Variants in AKAP13 observed in about 807,000 individuals in gnomAD.
AKAP13 encodes the protein A-kinase anchoring protein 13.
AKAP13 carries 80 observed loss-of-function variants against 264.5 expected under a neutral mutation model. The observed-to-expected ratio is 0.30, with a 90% CI of 0.25 to 0.36. The LOEUF is 0.36. AKAP13 is among the 10% of genes least tolerant of loss of function. AKAP13 has a pLI of 1.00. For synonymous variants in AKAP13, 1,380 were observed against 1,250.2 expected, an observed-to-expected ratio of 1.10 and a Z score of -2.19; for missense variants, 3,712 against 3,435.2, an observed-to-expected ratio of 1.08 and a Z score of -2.01.
At chr15:85,673,202 C>T (rs970923003) in intron 14 of AKAP13, among the ~76,000 whole-genome samples, 1 of 152,138 alleles carries the variant, frequency 6.6e-6, no homozygotes, top group African/African-American at 2.4e-5. Context: ...AAGCTGGGAT[C>T]TGTTTTTTAA....
chr15:85,681,161 C>T (rs538940827), intron 14 of AKAP13, among the ~76,000 whole-genome samples: 7 of 152,300 alleles, frequency 4.6e-5, no homozygotes, highest in Admixed American at 4.6e-4. Flanking sequence ...AAATCTCTAT[C>T]AGATTAAAGT....
At chr15:85,440,316 A>G (rs913851142) in intron 1 of AKAP13, among the ~76,000 whole-genome samples, 10 of 152,086 alleles carry the variant, frequency 6.6e-5, no homozygotes, top group African/African-American at 2.4e-4. Context: ...TGTCAGGCAT[A>G]TTTCTGTTTT....
chr15:85,660,598 T>G (rs946905870), intron 12 of AKAP13, among the ~76,000 whole-genome samples: 3 of 152,130 alleles, frequency 2.0e-5, no homozygotes, highest in Non-Finnish European at 4.4e-5. Context: ...TAGGTAAAAA[T>G]ATGCCTATTT....
chr15:85,408,253 A>G (rs770092816), intron 1 of AKAP13, among the ~76,000 whole-genome samples: 1 of 151,826 alleles, frequency 6.6e-6, no homozygotes, highest in Non-Finnish European at 1.5e-5. Context: ...TGCTTACTGC[A>G]TGCCAGTAAT....
At chr15:85,593,519 C>T (rs1408103966) in intron 8 of AKAP13, among the ~76,000 whole-genome samples, 2 of 145,320 alleles carry the variant, frequency 1.4e-5, no homozygotes, top group African/African-American at 5.1e-5. Context: ...AGGTGTGAGC[C>T]ACCATGTGGG....
intron 8 of AKAP13, among the ~76,000 whole-genome samples, chr15:85,603,384 A>T (rs1292939637): frequency 6.6e-6 from 1 of 152,258 alleles, no homozygotes; most frequent in Non-Finnish European, 1.5e-5. Flanking sequence ...ATCAGTGCAG[A>T]TGTCAACACA....
chr15:85,541,924 G>C (rs1464896517), intron 4 of AKAP13, among the ~76,000 whole-genome samples: 1 of 152,212 alleles, frequency 6.6e-6, no homozygotes, highest in East Asian at 1.9e-4. Flanking sequence ...CAGGCGTGTG[G>C]CTGTAGTATT....
At chr15:85,722,867 T>C (rs1005940385) in intron 25 of AKAP13, among the ~76,000 whole-genome samples, 2 of 152,198 alleles carry the variant, frequency 1.3e-5, no homozygotes, top group African/African-American at 4.8e-5. Context: ...GCATATTATT[T>C]ATATCATTGA....
At chr15:85,507,176 G>C (rs1360287807) in intron 2 of AKAP13, among the ~76,000 whole-genome samples, 1 of 152,030 alleles carries the variant, frequency 6.6e-6, no homozygotes, top group Non-Finnish European at 1.5e-5. Context: ...TACTAAATCA[G>C]GGGGTCTTAA....
intron 29 of AKAP13, 130 bp from the exon 30 acceptor site, chr15:85,730,383 C>A: frequency 1.2e-6 from 1 of 823,656 alleles, no homozygotes; most frequent in Non-Finnish European, 1.9e-6. Flanking sequence ...AAAGAAAAGG[C>A]AGTGTGGGTG....
intron 8 of AKAP13, among the ~76,000 whole-genome samples, chr15:85,622,386 C>T (rs1308057065): frequency 6.6e-6 from 1 of 151,968 alleles, no homozygotes; most frequent in East Asian, 1.9e-4. Flanking sequence ...GAATACAGGG[C>T]CCTGAGGAAG....
chr15:85,690,861 A>G (rs914423810), intron 16 of AKAP13, among the ~76,000 whole-genome samples: 2 of 152,230 alleles, frequency 1.3e-5, no homozygotes, highest in East Asian at 3.8e-4. Context: ...TGTGGCCTCA[A>G]ATGCATTATT....
intron 19 of AKAP13, among the ~76,000 whole-genome samples, chr15:85,715,335 T>C (rs1041418440): frequency 1.3e-5 from 2 of 152,216 alleles, no homozygotes; most frequent in African/African-American, 4.8e-5. Flanking sequence ...CTTGTGATAC[T>C]CATGTCATTT....
chr15:85,690,374 T>C (rs561915937), intron 16 of AKAP13, among the ~76,000 whole-genome samples: 4 of 152,338 alleles, frequency 2.6e-5, no homozygotes, highest in Admixed American at 2.6e-4. Context: ...ATTTTATGCA[T>C]GGAAAAACCT....
intron 20 of AKAP13, among the ~76,000 whole-genome samples, chr15:85,716,829 A>G (rs1416029030): frequency 6.6e-6 from 1 of 152,110 alleles, no homozygotes; most frequent in Admixed American, 6.5e-5. Context: ...TGTTCTTGCT[A>G]TTGTGTCTAC....
intron 10 of AKAP13, among the ~76,000 whole-genome samples, chr15:85,654,668 C>T (rs1340618813): frequency 4.0e-5 from 6 of 151,768 alleles, no homozygotes; most frequent in African/African-American, 1.5e-4. Context: ...GAAATACACA[C>T]AAAAAATTAG....
chr15:85,621,084 A>G (rs2081166254), intron 8 of AKAP13, among the ~76,000 whole-genome samples: 1 of 152,210 alleles, frequency 6.6e-6, no homozygotes, highest in Non-Finnish European at 1.5e-5. Context: ...GCAAAGTGGA[A>G]ATATATTGCC....
chr15:85,492,070 C>G (rs530545682), intron 2 of AKAP13, among the ~76,000 whole-genome samples: 15 of 152,304 alleles, frequency 9.8e-5, no homozygotes, highest in Non-Finnish European at 1.9e-4. Flanking sequence ...TGTCTTATTA[C>G]AAATACCAAG....
Position 85,744,685 on chromosome 15 carries a change from C to T in AKAP13, c.*8C>T, listed in dbSNP as rs1273982221. On this transcript the variant is annotated 3_prime_UTR_variant, in exon 37 of 37. Coordinates refer to ENST00000394518, the MANE Select transcript of AKAP13 (RefSeq NM_007200.5). ...GAAGAGATCTTCTGCTGACCCTCTT[C>T]CTCTCTGCTGAGGCAGCTGCCTCCT... is the stretch of plus-strand genomic sequence containing the variant. The T allele has an allele frequency of 8.1e-6, 13 of 1,600,262 alleles. No homozygotes were observed. The highest frequency in any genetic ancestry group is 1.1e-5 in the Non-Finnish European group (13 of 1,173,868).
Sources: gnomAD v4.1 joint callset for allele counts (sites outside exome capture counted in the v4.1 genomes callset) on GRCh38, gnomAD v4.1.1 for gene constraint, MANE v1.5 for transcripts, NCBI Gene and HGNC (gene_info 2026-07-23, HGNC 2026-07-21) for gene names.